Variants in PARN observed in about 807,000 individuals in gnomAD.
The protein encoded by PARN is poly(A)-specific ribonuclease PARN.
A neutral mutation model predicts 102.8 loss-of-function variants in PARN; 71 were observed. That is an observed-to-expected ratio of 0.69 (90% confidence interval 0.57 to 0.84). PARN has a LOEUF of 0.84. Among genes scored for constraint, PARN ranks in the 40% least tolerant of loss-of-function variants. The pLI is 0.00. For missense variants in PARN, 782 were observed against 760.9 expected, an observed-to-expected ratio of 1.03 and a Z score of -0.33; for synonymous variants, 261 against 252.9, an observed-to-expected ratio of 1.03 and a Z score of -0.30.
chr16:14,563,554 T>C, intron 18 of PARN, among the ~76,000 whole-genome samples: 1 of 151,188 alleles, frequency 6.6e-6, no homozygotes. Context: ...GGGATACATG[T>C]GCAGGACACG....
At chr16:14,579,667 G>C (rs1011929716) in intron 18 of PARN, among the ~76,000 whole-genome samples, 1 of 152,082 alleles carries the variant, frequency 6.6e-6, no homozygotes, top group Admixed American at 6.6e-5. Context: ...AAATGTAAGG[G>C]AACAATCATA....
At chr16:14,447,944 ATC>A (rs1477451585) in intron 22 of PARN, among the ~76,000 whole-genome samples, 1 of 103,324 alleles carries the variant, frequency 9.7e-6, no homozygotes, top group African/African-American at 4.1e-5. Flanking sequence ...AATTTTATCT[ATC>A]TATCTATCTA....
In PARN at chr16:14,602,294, C is replaced by G. The variant is rs141044023; in HGVS notation, c.783+1852G>C. Among the ~76,000 whole-genome samples the G allele has an allele frequency of 2.3e-3, 346 of 152,148 alleles. 2 individuals carry two copies. The highest frequency in any genetic ancestry group is 4.0e-3 in the Non-Finnish European group (272 of 68,012). On this transcript the variant is annotated intron_variant, in intron 11 of 23. Transcript: ENST00000437198. ...CCCGGTACATTTTGTCGACTTCTGC[C>G]TATCATTTAAATGCTGTTGATCCTC... is the stretch of plus-strand genomic sequence containing the variant.
At chr16:14,611,536 C>T (rs541444647) in intron 6 of PARN, among the ~76,000 whole-genome samples, 1 of 152,044 alleles carries the variant, frequency 6.6e-6, no homozygotes, top group Non-Finnish European at 1.5e-5. Context: ...GGTCAGCAAA[C>T]TTTTTCTTTG....
chr16:14,515,678 A>C (rs1358005551), intron 21 of PARN, among the ~76,000 whole-genome samples: 1 of 152,188 alleles, frequency 6.6e-6, no homozygotes, highest in African/African-American at 2.4e-5. Flanking sequence ...GCTTGTACCC[A>C]TAATCCTAGC....
chr16:14,437,225 G>C lies in PARN; in HGVS notation c.1865-453C>G, dbSNP rs564413719. Among the ~76,000 whole-genome samples, 10 of 152,316 alleles carry C rather than the reference G, an allele frequency of 6.6e-5. 1 individual carries two copies. In the East Asian group the frequency reaches 1.9e-3, roughly 29 times the overall value. ...GGGGTAATATGACCAGATGTACAGAGCTAGCAAGTGGCTGAGATGGGGTCT... is the reference window on the plus strand; with the variant it reads ...GGGGTAATATGACCAGATGTACAGACCTAGCAAGTGGCTGAGATGGGGTCT... On this transcript the variant is annotated intron_variant, in intron 23 of 23. Coordinates refer to ENST00000437198, the MANE Select transcript of PARN (RefSeq NM_002582.4).
At chr16:14,607,891 T>G (rs894351717) in intron 9 of PARN, among the ~76,000 whole-genome samples, 11 of 152,316 alleles carry the variant, frequency 7.2e-5, no homozygotes, top group Non-Finnish European at 1.2e-4. Context: ...GGATGTTATT[T>G]CAGGGGATTC....
At chr16:14,577,255 G>A (rs1250582910) in intron 18 of PARN, among the ~76,000 whole-genome samples, 1 of 152,068 alleles carries the variant, frequency 6.6e-6, no homozygotes, top group African/African-American at 2.4e-5. Context: ...AATGTTGGGG[G>A]CAACTACCAA....
At chr16:14,574,366 T>G (rs1265144437) in intron 18 of PARN, among the ~76,000 whole-genome samples, 1 of 152,140 alleles carries the variant, frequency 6.6e-6, no homozygotes, top group Non-Finnish European at 1.5e-5. Context: ...TTCAGTTTTA[T>G]GAGGGAAGTA....
intron 21 of PARN, among the ~76,000 whole-genome samples, chr16:14,527,652 C>T (rs1966079298): frequency 6.6e-6 from 1 of 152,122 alleles, no homozygotes; most frequent in Non-Finnish European, 1.5e-5. Context: ...ACTGTTGATT[C>T]ATTAACACTG....
intron 23 of PARN, among the ~76,000 whole-genome samples, chr16:14,438,348 T>C (rs183256815): frequency 6.6e-6 from 1 of 150,406 alleles, no homozygotes; most frequent in East Asian, 2.0e-4. Flanking sequence ...GTAAATTAAA[T>C]CCAGCTCAGA....
chr16:14,453,197 A>G (rs1336392301), intron 22 of PARN, among the ~76,000 whole-genome samples: 1 of 152,248 alleles, frequency 6.6e-6, no homozygotes, highest in Non-Finnish European at 1.5e-5. Flanking sequence ...TTAAAAAATA[A>G]AATGTCACAG....
At chr16:14,500,518 C>T (rs186621370) in intron 21 of PARN, among the ~76,000 whole-genome samples, 114 of 152,178 alleles carry the variant, frequency 7.5e-4, no homozygotes, top group African/African-American at 2.7e-3. Flanking sequence ...GCAACCCTCC[C>T]GAGCAGCCAG....
At chr16:14,591,294 G>T (rs529939899) in intron 13 of PARN, among the ~76,000 whole-genome samples, 1 of 152,116 alleles carries the variant, frequency 6.6e-6, no homozygotes, top group South Asian at 2.1e-4. Flanking sequence ...GGGAGGCTGA[G>T]GCCGGGGAAA....
chr16:14,580,198 C>T (rs994490055), intron 18 of PARN, among the ~76,000 whole-genome samples: 1 of 152,084 alleles, frequency 6.6e-6, no homozygotes, highest in Non-Finnish European at 1.5e-5. Flanking sequence ...TCTCAATCTC[C>T]TGACTTCATG....
chr16:14,584,732 T>C lies in PARN; in HGVS notation c.1005+17A>G, dbSNP rs953216938. 4 of 1,551,466 alleles carry C rather than the reference T, an allele frequency of 2.6e-6. No homozygotes were observed. Among genetic ancestry groups the C allele is most frequent in the Non-Finnish European group, 3.5e-6 (4 of 1,142,774 alleles). On this transcript the variant is annotated intron_variant, in intron 15 of 23. Transcript: ENST00000437198. ...AGTAATATGCAGTCGCTTTATAAAGTAGCAAATGAATAATACCTTAAAAGG... is the reference window on the plus strand; with the variant it reads ...AGTAATATGCAGTCGCTTTATAAAGCAGCAAATGAATAATACCTTAAAAGG...
chr16:14,557,326 G>A (rs936084581), intron 18 of PARN, among the ~76,000 whole-genome samples: 1 of 151,522 alleles, frequency 6.6e-6, no homozygotes, highest in African/African-American at 2.4e-5. Flanking sequence ...TTGGGAGGCT[G>A]AGGGTGGATC....
At chr16:14,539,790 C>T (rs1966771411) in intron 21 of PARN, among the ~76,000 whole-genome samples, 1 of 152,158 alleles carries the variant, frequency 6.6e-6, no homozygotes, top group African/African-American at 2.4e-5. Flanking sequence ...TACTGTCAGC[C>T]CTCCATATCT....
chr16:14,450,051 A>G (rs1961381279), intron 22 of PARN, among the ~76,000 whole-genome samples: 1 of 152,238 alleles, frequency 6.6e-6, no homozygotes, highest in African/African-American at 2.4e-5. Flanking sequence ...AATACTGCAA[A>G]GTACCTAAAT....
Sources: allele counts gnomAD v4.1 joint callset (sites outside exome capture counted in the v4.1 genomes callset), GRCh38; gene constraint gnomAD v4.1.1; transcripts MANE v1.5; gene names NCBI Gene and HGNC (gene_info 2026-07-23, HGNC 2026-07-21).